ADGRD2: variants seen among roughly 807,000 people sequenced by gnomAD.
ADGRD2 encodes the protein adhesion G protein-coupled receptor D2.
Under a neutral mutation model 44.4 loss-of-function variants are expected in ADGRD2, and 71 were observed. The ratio of observed to expected loss-of-function variants is 1.60; its 90% CI spans 1.32 to 1.95. The LOEUF (loss-of-function observed/expected upper bound fraction) is 1.95, where lower values mean the gene tolerates loss of function less well. Among genes scored for constraint, ADGRD2 ranks in the 30% most tolerant of loss-of-function variants. The probability of loss-of-function intolerance (pLI) is 0.00; values close to 1 mark genes in which losing one functional copy is unlikely to be tolerated. For synonymous variants in ADGRD2, 481 were observed against 224.8 expected (o/e 2.14, Z -10.19); for missense variants, 1,039 against 512.4 (o/e 2.03, Z -9.92).
At chr9:124,473,288 T>C (rs956741362) in intron 17 of ADGRD2, among the ~76,000 whole-genome samples, 1 of 152,234 alleles carries the variant, frequency 6.6e-6, no homozygotes, top group South Asian at 2.1e-4. Context: ...ATTTGTGTCC[T>C]TCTGGCCACT....
chr9:124,451,915 CA>C (rs1165507315), upstream of ADGRD2, among the ~76,000 whole-genome samples: 4 of 151,982 alleles, frequency 2.6e-5, no homozygotes, highest in Non-Finnish European at 5.9e-5. Context: ...CTCAGGGCAG[CA>C]AAGGGCCCTC....
At chr9:124,451,070 C>T (rs1831456754), upstream of ADGRD2, 3 of 471,940 alleles carry the variant, frequency 6.4e-6, no homozygotes, top group Admixed American at 4.7e-5. Flanking sequence ...GGAGGTGGTA[C>T]TACTGAGAGA....
chr9:124,469,116 G>C (rs1201692212), intron 14 of ADGRD2, 106 bp from the exon 18 acceptor site: 3 of 632,698 alleles, frequency 4.7e-6, no homozygotes, highest in Non-Finnish European at 8.6e-6. Context: ...AGTGCCCCCA[G>C]TACAACCTCC....
intron 11 of ADGRD2, 36 bp from the exon 15 acceptor site, chr9:124,467,685 G>T (rs1218475053): frequency 2.8e-6 from 2 of 717,282 alleles, no homozygotes; most frequent in Non-Finnish European, 2.6e-6. Context: ...TTGGGTCTGG[G>T]TGGTGCCAGG....
At position 124,468,199 on chromosome 9, in the gene ADGRD2, C is replaced by A. The variant is rs1203003853; in HGVS notation, c.2233+9C>A. 8.4e-6 allele frequency: 6 copies of A among 718,218 alleles called. No individual in the cohort carries two copies. Among genetic ancestry groups the A allele is most frequent in the Non-Finnish European group, 1.3e-5 (5 of 385,090 alleles). The allele number at this position is 718,218 out of a possible 1,614,324, so 44.5% of individuals were successfully genotyped here. On this transcript the variant is annotated intron_variant, in intron 13 of 21. Transcript: ENST00000334810. ...GGGCCAAGGCCAATGAGGTGGGCAGCCAGTGGGTGGGCTGGAAGCCCGGGG... is the reference window on the plus strand; with the variant it reads ...GGGCCAAGGCCAATGAGGTGGGCAGACAGTGGGTGGGCTGGAAGCCCGGGG...
intron 3 of ADGRD2, 79 bp downstream of exon 6, chr9:124,453,755 G>T: frequency 1.6e-6 from 1 of 613,204 alleles, no homozygotes; most frequent in Non-Finnish European, 2.9e-6. Context: ...CCCACCCCTT[G>T]CCAACCAAGC....
chr9:124,452,385 C>A (rs1016130103), intron 1 of ADGRD2, 125 bp from the exon 5 acceptor site: 3 of 681,528 alleles, frequency 4.4e-6, no homozygotes, highest in Non-Finnish European at 5.5e-6. Flanking sequence ...AGGCCATAGA[C>A]ATGGGCGGGT....
rs983766701 is a variant in ADGRD2 at position 124,454,724 on chromosome 9, G to A, written c.1109-119G>A. On this transcript the variant is annotated intron_variant, in intron 5 of 21. Coordinates refer to ENST00000334810, the Ensembl canonical transcript of ADGRD2. The surrounding 1 kb of genome is among the most constrained non-coding windows in gnomAD (Gnocchi z 4.5). ...TATTCTGTAGCCCCTGAGAGTTGGC[G>A]GCTTGTGACAAGTTTAATGGGTGCC... is the stretch of plus-strand genomic sequence containing the variant. The A allele has an allele frequency of 2.7e-4, 165 of 616,520 alleles. No individual in the cohort carries two copies. Among genetic ancestry groups the A allele is most frequent in the Middle Eastern group, 2.6e-4 (1 of 3,890 alleles). The allele number at this position is 616,520 out of a possible 1,614,324, so 38.2% of individuals were successfully genotyped here. A position where few individuals can be genotyped will look rare whatever the true frequency, so the allele number is the denominator to read the frequency against.
At chr9:124,457,560 C>T (rs1831641763) in exon 8 of ADGRD2, 2 of 683,214 alleles carry the variant, frequency 2.9e-6, no homozygotes, top group East Asian at 5.4e-5. Flanking sequence ...AGGGGCCCGG[C>T]CATATCCACA....
rs144326848 is a variant in ADGRD2 at position 124,453,057 on chromosome 9, G to A, written c.306G>A (p.Leu102=). The stretch of plus-strand genomic sequence containing the variant: ...CAGGTGCGCGCACCACCGCCGTGCT[G>A]GTGTTCGACGAGAGGACGGCTGACC... The change falls in exon 3 of 22, where the codon CTG becomes CTA. Residue 102 remains leucine (L), a synonymous_variant. Coordinates refer to ENST00000334810, the Ensembl canonical transcript of ADGRD2. 2,168 of 675,756 alleles carry A rather than the reference G, an allele frequency of 3.2e-3. 5 individuals carry two copies. The highest frequency in any genetic ancestry group is 9.0e-3 in the Middle Eastern group (30 of 3,330). 41.9% of individuals were successfully genotyped at this position (675,756 alleles called of 1,614,324 possible).
rs1427092220 is a variant in ADGRD2, at chr9:124,454,490, A to G, written c.1031A>G (p.Tyr344Cys). ...GGCATCCACTCCTTTGCAGAGCCCT[A>G]TCGTCGGCTGCAGGATGCCCAGTCG... The change falls in exon 5 of 22, where the codon TAT becomes TGT. Residue 344 changes from tyrosine (Y) to cysteine (C), a missense_variant. Tyr to Cys is a radical substitution (Grantham distance 194). Transcript: ENST00000334810. The surrounding 1 kb of genome is among the most constrained non-coding windows in gnomAD (Gnocchi z 4.5). 1.4e-6 allele frequency: 1 copy of G among 715,592 alleles called. No individual in the cohort carries two copies. The allele number at this position is 715,592 out of a possible 1,614,324, so 44.3% of individuals were successfully genotyped here.
intron 6 of ADGRD2, 78 bp downstream of exon 9, chr9:124,455,205 G>T: frequency 1.7e-6 from 1 of 604,964 alleles, no homozygotes; most frequent in African/African-American, 1.8e-5. Flanking sequence ...GTGTAGCTGT[G>T]GGGGAGTCAG....
In ADGRD2 at chr9:124,469,556, C is replaced by G. The variant is rs1296385809; in HGVS notation, c.2637+9C>G. 1.4e-6 allele frequency: 1 copy of G among 717,574 alleles called. No individual in the cohort carries two copies. The allele number at this position is 717,574 out of a possible 1,614,324, so 44.5% of individuals were successfully genotyped here. Reference sequence around the variant, plus strand: ...ATCTGGACCCAGATATGGTGAGGCCCCAGAATGGGGGGCCAGCAGGAAGCA... The same window carrying G: ...ATCTGGACCCAGATATGGTGAGGCCGCAGAATGGGGGGCCAGCAGGAAGCA... On this transcript the variant is annotated intron_variant, in intron 16 of 21. Transcript: ENST00000334810.
chr9:124,451,215 T>G, upstream of ADGRD2: 1 of 471,848 alleles, frequency 2.1e-6, no homozygotes, highest in Non-Finnish European at 4.4e-6. Context: ...GCCAGAGAAC[T>G]CGGCAGAGGC....
intron 7 of ADGRD2, among the ~76,000 whole-genome samples, chr9:124,456,978 G>T (rs549917091): frequency 6.6e-6 from 1 of 152,300 alleles, no homozygotes; most frequent in South Asian, 2.1e-4. Context: ...CTCCTCCTCT[G>T]AGAGACAGTT....
Position 124,461,873 on chromosome 9 carries a change from G to C in ADGRD2, c.1870+3152G>C, listed in dbSNP as rs542937367. Among the ~76,000 whole-genome samples the C allele has an allele frequency of 7.9e-5, 12 of 151,934 alleles. No homozygotes were observed. The East Asian group carries it at 2.3e-3, about 29-fold the overall frequency. On this transcript the variant is annotated intron_variant, in intron 10 of 21. Coordinates refer to ENST00000334810, the Ensembl canonical transcript of ADGRD2. ...AGTGATTTTCCTGCCCCAGCCTACA[G>C]TAGCTGAGATTATAGGCACATGCCA...
chr9:124,456,542 G>A, intron 6 of ADGRD2, 80 bp from the exon 10 acceptor site: 1 of 700,124 alleles, frequency 1.4e-6, no homozygotes. Flanking sequence ...CCAGATCATG[G>A]AGCATTTATC....
chr9:124,471,603 G>C (rs1367437272), intron 17 of ADGRD2, among the ~76,000 whole-genome samples: 2 of 152,216 alleles, frequency 1.3e-5, no homozygotes, highest in Non-Finnish European at 2.9e-5. Flanking sequence ...GGCCCCCCAG[G>C]AGGCAGCAGC....
intron 6 of ADGRD2, 118 bp downstream of exon 9, chr9:124,455,245 T>C: frequency 1.7e-6 from 1 of 579,494 alleles, no homozygotes; most frequent in Non-Finnish European, 3.1e-6. Context: ...TCTCTGCGTC[T>C]ATCCTGAAAA....
Sources: gnomAD v4.1 joint callset for allele counts (sites outside exome capture counted in the v4.1 genomes callset) on GRCh38, gnomAD v4.1.1 for gene constraint, Gnocchi (gnomAD v3.1) non-coding constraint, MANE v1.5 for transcripts, NCBI Gene and HGNC (gene_info 2026-07-23, HGNC 2026-07-21) for gene names.